AMH: variants seen among roughly 807,000 people sequenced by gnomAD.
AMH encodes the protein anti-Muellerian hormone.
AMH carries 39 observed loss-of-function variants against 33.3 expected under a neutral mutation model. That is an observed-to-expected ratio of 1.17 (90% confidence interval 0.91 to 1.53). The LOEUF (loss-of-function observed/expected upper bound fraction) is 1.53, where lower values mean the gene tolerates loss of function less well. Among genes scored for constraint, AMH ranks in the 40% most tolerant of loss-of-function variants. AMH has a pLI of 0.00. For synonymous variants in AMH, 536 were observed against 403.0 expected (o/e 1.33, Z -3.95); for missense variants, 1,019 against 799.8 (o/e 1.27, Z -3.30).
rs967070979 is a variant in AMH, at chr19:2,250,753, C to T, written c.657C>T (p.Arg219=). The change falls in exon 3 of 5, where the codon CGC becomes CGT. Residue 219 remains arginine, a synonymous_variant. Coordinates refer to ENST00000221496, the MANE Select transcript of AMH (RefSeq NM_000479.5). ...GGCTGGCCTTGACCCTGCAGCCCCG[C>T]GGAGAGGGTAGGTCCGCGTGGAGAG... The part of the protein sequence containing the change: ...GSGLALTLQP[R]GEDSRLSTAR... 1.3e-6 allele frequency: 2 copies of T among 1,535,536 alleles called. No homozygotes were observed. The highest frequency in any genetic ancestry group is 1.4e-5 in the African/African-American group (1 of 73,104).
chr19:2,252,038 A>G lies in AMH; in HGVS notation c.*81A>G. ...CCCTTCCCATATTTATTCGGACCCC[A>G]AGCATCGCCCCAATAAAGACCAGCA... On this transcript the variant is annotated 3_prime_UTR_variant, in exon 5 of 5. Transcript: ENST00000221496. The G allele has an allele frequency of 4.0e-6, 6 of 1,513,182 alleles. No homozygotes were observed. The highest frequency in any genetic ancestry group is 5.3e-6 in the Non-Finnish European group (6 of 1,131,568). The allele number at this position is 1,513,182 out of a possible 1,614,324, so 93.7% of individuals were successfully genotyped here.
rs1243061548 is a variant in AMH at position 2,251,835 on chromosome 19, G to A, written c.1561G>A (p.Ala521Thr). 6.2e-7 allele frequency: 1 copy of A among 1,600,324 alleles called. No individual in the cohort carries two copies. Among genetic ancestry groups the A allele is most frequent in the African/African-American group, 1.3e-5 (1 of 74,872 alleles). ...LKMQVRGAALARPPCCVPTAY... is the reference protein window; with the variant it reads ...LKMQVRGAALTRPPCCVPTAY... The stretch of plus-strand genomic sequence containing the variant: ...GATGCAGGTCCGTGGGGCCGCCCTG[G>A]CGCGCCCACCCTGCTGCGTGCCCAC... Residue 521 changes from alanine (A) to threonine (T), a missense_variant, in exon 5 of 5, where the codon GCG becomes ACG. By Grantham distance (58) the Ala-to-Thr change is moderately conservative (BLOSUM62 0). Transcript: ENST00000221496.
rs776141279 is a variant in AMH, at chr19:2,249,605, C to T, written c.273C>T (p.Arg91=). The T allele has an allele frequency of 8.0e-5, 124 of 1,548,068 alleles. 1 individual carries two copies. The highest frequency in any genetic ancestry group is 1.1e-4 in the Non-Finnish European group (122 of 1,148,616). ...TCCTGGGGGCCGTGCAGAGGGCCCGCTGGGGCCCCCGAGACCTGGCCACCT... is the reference window on the plus strand; with the variant it reads ...TCCTGGGGGCCGTGCAGAGGGCCCGTTGGGGCCCCCGAGACCTGGCCACCT... ...QAFLGAVQRA[R]WGPRDLATFG... is the part of the protein sequence containing the mutation. Residue 91 remains arginine (R), a synonymous_variant, in exon 1 of 5, where the codon CGC becomes CGT. Coordinates refer to ENST00000221496, the MANE Select transcript of AMH (RefSeq NM_000479.5).
At position 2,249,565 on chromosome 19, in the gene AMH, C is replaced by T. The variant is rs1455793999; in HGVS notation, c.233C>T (p.Ala78Val). ...CTGCGGGTGGTGGGGGCTCTAAGCG[C>T]CTATGAGCAGGCCTTCCTGGGGGCC... ...SPLRVVGALSAYEQAFLGAVQ... is the reference protein window; with the variant it reads ...SPLRVVGALSVYEQAFLGAVQ... Residue 78 changes from alanine to valine, a missense_variant, in exon 1 of 5, where the codon GCC (alanine) becomes GTC (valine). Physicochemically the swap from Ala to Val is moderately conservative, Grantham distance 64 (BLOSUM62 0). Coordinates refer to ENST00000221496, the MANE Select transcript of AMH (RefSeq NM_000479.5). 6.3e-7 allele frequency: 1 copy of T among 1,579,834 alleles called. No individual in the cohort carries two copies. The highest frequency in any genetic ancestry group is 8.6e-7 in the Non-Finnish European group (1 of 1,165,534).
chr19:2,251,018 G>A lies in AMH; in HGVS notation c.824+10G>A. On this transcript the variant is annotated intron_variant, in intron 4 of 4. Coordinates refer to ENST00000221496, the MANE Select transcript of AMH (RefSeq NM_000479.5). ...CCTTCCCGCCGCCCAGGTGCGCGCA[G>A]GCACCGGGACACGGGGCAGGAGCGG... 6.6e-7 allele frequency: 1 copy of A among 1,516,526 alleles called. No homozygotes were observed. Among genetic ancestry groups the A allele is most frequent in the South Asian group, 1.2e-5 (1 of 81,998 alleles). 93.9% of individuals were successfully genotyped at this position (1,516,526 alleles called of 1,614,324 possible).
At position 2,250,841 on chromosome 19, in the gene AMH, C is replaced by CA. The variant is rs757881994; in HGVS notation, c.665-7dup. The CA allele has an allele frequency of 3.2e-4, 505 of 1,559,832 alleles. 5 individuals are homozygous for CA. Among genetic ancestry groups the CA allele is most frequent in the Admixed American group, 4.6e-4 (25 of 54,810 alleles). The stretch of plus-strand genomic sequence containing the variant: ...CCCCTGAGCCAGCCGCGTGCCCACC[C>CA]ACCGCAGACTCCCGGCTGAGTACCG... On this transcript the variant is annotated splice_region_variant and splice_polypyrimidine_tract_variant and intron_variant, in intron 3 of 4. Coordinates refer to ENST00000221496, the MANE Select transcript of AMH (RefSeq NM_000479.5).
In AMH at chr19:2,250,475, C is replaced by G; in HGVS notation, c.551C>G (p.Ala184Gly). 1 of 1,548,208 alleles carries G rather than the reference C, an allele frequency of 6.5e-7. No homozygotes were observed. Among genetic ancestry groups the G allele is most frequent in the Non-Finnish European group, 8.7e-7 (1 of 1,147,230 alleles). ...GTGACGAGGGCTGGGCTGCCGGGTG[C>G]CCAGGTACCAGGGAGTTGCATGGGG... ...VTVTRAGLPGAQSLCPSRDTR... is the reference protein window; with the variant it reads ...VTVTRAGLPGGQSLCPSRDTR... Residue 184 changes from alanine to glycine, a missense_variant, in exon 2 of 5, where the codon GCC becomes GGC. Ala to Gly is a moderately conservative substitution (Grantham distance 60, BLOSUM62 0). Transcript: ENST00000221496.
chr19:2,250,722 G>C lies in AMH; in HGVS notation c.626G>C (p.Gly209Ala). The C allele has an allele frequency of 6.5e-7, 1 of 1,537,914 alleles. No individual in the cohort carries two copies. The highest frequency in any genetic ancestry group is 8.7e-7 in the Non-Finnish European group (1 of 1,147,698). ...AVDRPAGAWR[G>A]SGLALTLQPR... Reference sequence around the variant, plus strand: ...GACCGCCCTGCGGGGGCCTGGCGCGGCTCCGGGCTGGCCTTGACCCTGCAG... The same window carrying C: ...GACCGCCCTGCGGGGGCCTGGCGCGCCTCCGGGCTGGCCTTGACCCTGCAG... The change falls in exon 3 of 5, where the codon GGC becomes GCC. Residue 209 changes from glycine (G) to alanine (A), a missense_variant. Gly to Ala is a moderately conservative substitution (Grantham distance 60, BLOSUM62 0). Transcript: ENST00000221496.
rs1397290603 is a variant in AMH, at chr19:2,250,581, G to A, written c.556-71G>A. The A allele has an allele frequency of 4.6e-6, 7 of 1,536,922 alleles. No individual in the cohort carries two copies. The East Asian group carries it at 1.7e-4, about 38-fold the overall frequency. ...GAACAGCGTAGAACCAGTGGCGATG[G>A]GAGGAAGGGGACCGGTAGAGCGGGG... On this transcript the variant is annotated intron_variant, in intron 2 of 4. Coordinates refer to ENST00000221496, the MANE Select transcript of AMH (RefSeq NM_000479.5).
Position 2,251,225 on chromosome 19 carries a change from G to C in AMH, c.951G>C (p.Pro317=). Residue 317 remains proline (P), a synonymous_variant, in exon 5 of 5, where the codon CCG becomes CCC. Coordinates refer to ENST00000221496, the MANE Select transcript of AMH (RefSeq NM_000479.5). The part of the protein sequence containing the change: ...RASAPRLALD[P]DALAGFPQGL... Reference sequence around the variant, plus strand: ...CCGCGCCGCGCCTGGCCCTGGATCCGGACGCGCTGGCCGGCTTCCCGCAGG... The same window carrying C: ...CCGCGCCGCGCCTGGCCCTGGATCCCGACGCGCTGGCCGGCTTCCCGCAGG... The C allele has an allele frequency of 6.7e-7, 1 of 1,502,396 alleles. No individual in the cohort carries two copies. The highest frequency in any genetic ancestry group is 2.7e-5 in the East Asian group (1 of 37,248). The allele number at this position is 1,502,396 out of a possible 1,614,324, so 93.1% of individuals were successfully genotyped here. A position where few individuals can be genotyped will look rare whatever the true frequency, so the allele number is the denominator to read the frequency against.
Position 2,251,984 on chromosome 19 carries a change from C to A in AMH, c.*27C>A. Reference sequence around the variant, plus strand: ...CCCTGCGCCGCGCGGACTCCTGCCCCGAGGGTCCGGACGCGCCCCAGCTCG... The same window carrying A: ...CCCTGCGCCGCGCGGACTCCTGCCCAGAGGGTCCGGACGCGCCCCAGCTCG... On this transcript the variant is annotated 3_prime_UTR_variant, in exon 5 of 5. Coordinates refer to ENST00000221496, the MANE Select transcript of AMH (RefSeq NM_000479.5). 6.5e-7 allele frequency: 1 copy of A among 1,534,388 alleles called. No individual in the cohort carries two copies. The highest frequency in any genetic ancestry group is 1.4e-5 in the African/African-American group (1 of 73,050).
chr19:2,251,406 C>A lies in AMH; in HGVS notation c.1132C>A (p.Arg378Ser). Residue 378 changes from arginine (R) to serine (S), a missense_variant, in exon 5 of 5, where the codon CGC (arginine) becomes AGC (serine). Coordinates refer to ENST00000221496, the MANE Select transcript of AMH (RefSeq NM_000479.5). ...GCCGTGGGCCACGGCCCTGGCGCGCCGCGTGGCTGCTGAACTGCAAGCGGC... is the reference window on the plus strand; with the variant it reads ...GCCGTGGGCCACGGCCCTGGCGCGCAGCGTGGCTGCTGAACTGCAAGCGGC... ...SAPWATALAR[R>S]VAAELQAAAA... is the part of the protein sequence containing the mutation. The A allele has an allele frequency of 2.1e-6, 3 of 1,449,582 alleles. No homozygotes were observed. Among genetic ancestry groups the A allele is most frequent in the Non-Finnish European group, 2.7e-6 (3 of 1,107,572 alleles). 89.8% of individuals were successfully genotyped at this position (1,449,582 alleles called of 1,614,324 possible).
chr19:2,251,712 C>T lies in AMH; in HGVS notation c.1438C>T (p.Pro480Ser). 1.2e-6 allele frequency: 2 copies of T among 1,611,772 alleles called. No individual in the cohort carries two copies. The highest frequency in any genetic ancestry group is 1.7e-6 in the Non-Finnish European group (2 of 1,179,554). Residue 480 changes from proline (P) to serine (S), a missense_variant, in exon 5 of 5, where the codon CCC becomes TCC. Coordinates refer to ENST00000221496, the MANE Select transcript of AMH (RefSeq NM_000479.5). ...DLRAERSVLI[P>S]ETYQANNCQG... ...CCGCGCCGAGCGCTCCGTACTCATC[C>T]CCGAGACCTACCAGGCCAACAATTG...
intron 1 of AMH, 24 bp from the exon 2 acceptor site, chr19:2,250,313 C>G: frequency 5.7e-6 from 9 of 1,584,066 alleles, no homozygotes; most frequent in Non-Finnish European, 7.7e-6. Context: ...ATGGCTCAGG[C>G]GTCCCCTGCT....
chr19:2,250,775 A>C lies in AMH; in HGVS notation c.664+15A>C, dbSNP rs1378835505. 6.5e-7 allele frequency: 1 copy of C among 1,535,164 alleles called. No homozygotes were observed. Among genetic ancestry groups the C allele is most frequent in the Admixed American group, 2.0e-5 (1 of 51,230 alleles). ...CCGCGGAGAGGGTAGGTCCGCGTGGAGAGGGACGGGGAGCCGGGTCGACTG... is the reference window on the plus strand; with the variant it reads ...CCGCGGAGAGGGTAGGTCCGCGTGGCGAGGGACGGGGAGCCGGGTCGACTG... On this transcript the variant is annotated intron_variant, in intron 3 of 4. Coordinates refer to ENST00000221496, the MANE Select transcript of AMH (RefSeq NM_000479.5).
Position 2,250,879 on chromosome 19 carries a change from C to T in AMH, c.695C>T (p.Ala232Val), listed in dbSNP as rs1409731482. The T allele has an allele frequency of 3.2e-6, 5 of 1,574,684 alleles. No individual in the cohort carries two copies. The highest frequency in any genetic ancestry group is 4.1e-4 in the Middle Eastern group (2 of 4,932). Residue 232 changes from alanine (A) to valine (V), a missense_variant, in exon 4 of 5, where the codon GCA becomes GTA. Coordinates refer to ENST00000221496, the MANE Select transcript of AMH (RefSeq NM_000479.5). The part of the protein sequence containing the change: ...DSRLSTARLQ[A>V]LLFGDDHRCF... ...CGGCTGAGTACCGCCCGGCTGCAGGCACTGCTGTTCGGCGACGACCACCGC... is the reference window on the plus strand; with the variant it reads ...CGGCTGAGTACCGCCCGGCTGCAGGTACTGCTGTTCGGCGACGACCACCGC...
rs371054070 is a variant in AMH, at chr19:2,251,089, C to T, written c.825-10C>T. On this transcript the variant is annotated splice_polypyrimidine_tract_variant and intron_variant, in intron 4 of 4. Coordinates refer to ENST00000221496, the MANE Select transcript of AMH (RefSeq NM_000479.5). ...TGGCCGCTCTCAACTCCTCCAATTG[C>T]GGGTTCCAGGCCATCCGCGGAACTC... 4.5e-5 allele frequency: 69 copies of T among 1,540,136 alleles called. No homozygotes were observed. In the South Asian group the frequency reaches 5.2e-4, roughly 12 times the overall value.
chr19:2,250,220 C>A, intron 1 of AMH, 117 bp from the exon 2 acceptor site: 1 of 1,486,038 alleles, frequency 6.7e-7, no homozygotes, highest in Non-Finnish European at 9.1e-7. Flanking sequence ...GAGGGGCACC[C>A]TTGTCCCCCG....
intron 3 of AMH, 26 bp downstream of exon 3, chr19:2,250,786 G>C (rs1170131831): frequency 6.5e-7 from 1 of 1,535,122 alleles, no homozygotes; most frequent in Admixed American, 2.0e-5. Flanking sequence ...GAGGGACGGG[G>C]AGCCGGGTCG....
Sources: gnomAD v4.1 joint callset for allele counts on GRCh38, gnomAD v4.1.1 for gene constraint, MANE v1.5 for transcripts, NCBI Gene and HGNC (gene_info 2026-07-23, HGNC 2026-07-21) for gene names.